TRHDE: variants seen among roughly 807,000 people sequenced by gnomAD.
TRHDE encodes the protein thyrotropin-releasing hormone-degrading ectoenzyme.
TRHDE carries 72 observed loss-of-function variants against 125.7 expected under a neutral mutation model. The ratio of observed to expected loss-of-function variants is 0.57; its 90% CI spans 0.47 to 0.70. The LOEUF (loss-of-function observed/expected upper bound fraction) is 0.70, where lower values mean the gene tolerates loss of function less well. TRHDE is among the 30% of genes least tolerant of loss of function. The pLI is 0.00. For missense variants in TRHDE, 1,110 were observed against 1,327.1 expected, an observed-to-expected ratio of 0.84 and a Z score of 2.54; for synonymous variants, 509 against 509.1, an observed-to-expected ratio of 1.00 and a Z score of 0.00.
At chr12:72,355,945 T>C (rs1042182579) in intron 2 of TRHDE, among the ~76,000 whole-genome samples, 9 of 151,384 alleles carry the variant, frequency 5.9e-5, no homozygotes, top group African/African-American at 2.2e-4. Flanking sequence ...GCTTATACAG[T>C]GTTGATGGGA....
Position 72,273,081 on chromosome 12 carries a change from C to A in TRHDE, c.438C>A (p.His146Gln). ...CTGGATCGGCCCGGCGCAACCACCA[C>A]GCAGGCGGGGACTCCTGGCAGCCCG... ...SLPGSARRNH[H>Q]AGGDSWQPEA... Residue 146 changes from histidine to glutamine, a missense_variant, in exon 1 of 19, where the codon CAC becomes CAA. By Grantham distance (24) the His-to-Gln change is conservative. Around this residue, in one of 5 missense-constraint regions of TRHDE, gnomAD observed 248 missense variants for 240.8 expected, o/e 1.03. Transcript: ENST00000261180. The surrounding 1 kb of genome is among the most constrained non-coding windows in gnomAD (Gnocchi z 5.3). 6.6e-7 allele frequency: 1 copy of A among 1,525,352 alleles called. No individual in the cohort carries two copies. Among genetic ancestry groups the A allele is most frequent in the Non-Finnish European group, 8.8e-7 (1 of 1,138,754 alleles). 94.5% of individuals were successfully genotyped at this position (1,525,352 alleles called of 1,614,324 possible).
chr12:72,469,925 GA>G lies in TRHDE; in HGVS notation c.1470+15del. 1 of 1,612,958 alleles carries G rather than the reference GA, an allele frequency of 6.2e-7. No individual in the cohort carries two copies. The highest frequency in any genetic ancestry group is 1.7e-4 in the Middle Eastern group (1 of 6,056). On this transcript the variant is annotated intron_variant, in intron 4 of 18. Coordinates refer to ENST00000261180, the MANE Select transcript of TRHDE (RefSeq NM_013381.3). ...GATATGTCACCAGGTATGAGAAAAAGAATCAGGTGTAAGTATAATGTGAAAG... is the reference window on the plus strand; with the variant it reads ...GATATGTCACCAGGTATGAGAAAAAGATCAGGTGTAAGTATAATGTGAAAG...
chr12:72,424,047 A>G (rs1489189334), intron 3 of TRHDE, among the ~76,000 whole-genome samples: 2 of 152,188 alleles, frequency 1.3e-5, no homozygotes. Context: ...AATTTTAAAG[A>G]ATCTGTTCAA....
intron 2 of TRHDE, among the ~76,000 whole-genome samples, chr12:72,236,098 T>A (rs1336653798): frequency 1.3e-5 from 2 of 152,204 alleles, no homozygotes; most frequent in East Asian, 3.8e-4. Flanking sequence ...TCATTTTTAC[T>A]GACCATAACT....
rs1592547867 is a variant in TRHDE at position 72,575,620 on chromosome 12, T to C, written c.2321+78T>C. 3.8e-5 allele frequency: 50 copies of C among 1,299,048 alleles called. No homozygotes were observed. The East Asian group carries it at 1.1e-3, about 29-fold the overall frequency. The allele number at this position is 1,299,048 out of a possible 1,614,324, so 80.5% of individuals were successfully genotyped here. ...TGTATTAAACTGCATAATATGTATA[T>C]GTCTTTTATTTAGGACATTTAAAAA... On this transcript the variant is annotated intron_variant, in intron 12 of 18. Transcript: ENST00000261180.
intron 2 of TRHDE, among the ~76,000 whole-genome samples, chr12:72,347,508 T>A (rs1870378356): frequency 6.6e-6 from 1 of 152,110 alleles, no homozygotes; most frequent in Non-Finnish European, 1.5e-5. Context: ...GTTATCTGGC[T>A]CTGTGTTTCT....
intron 2 of TRHDE, among the ~76,000 whole-genome samples, chr12:72,196,354 A>G (rs1378010295): frequency 1.3e-5 from 2 of 152,102 alleles, no homozygotes; most frequent in African/African-American, 4.8e-5. Flanking sequence ...CCAATCCATG[A>G]GCATAGAATG....
chr12:72,192,118 T>C (rs1372354366), intron 2 of TRHDE, among the ~76,000 whole-genome samples: 1 of 143,294 alleles, frequency 7.0e-6, no homozygotes, highest in Admixed American at 6.7e-5. Context: ...ATAAATGACT[T>C]TTGTAAAACT....
intron 2 of TRHDE, among the ~76,000 whole-genome samples, chr12:72,307,128 G>C (rs946102266): frequency 2.0e-5 from 3 of 152,048 alleles, no homozygotes; most frequent in Non-Finnish European, 4.4e-5. Flanking sequence ...GCCTTTGGAA[G>C]GTTTCAAGCA....
intron 6 of TRHDE, among the ~76,000 whole-genome samples, chr12:72,540,392 G>A (rs1565783369): frequency 6.6e-6 from 1 of 151,616 alleles, no homozygotes; most frequent in Non-Finnish European, 1.5e-5. Flanking sequence ...ATTCAGACAG[G>A]AAAATTGGTA....
chr12:72,526,104 A>G (rs1868332068), intron 6 of TRHDE, among the ~76,000 whole-genome samples: 1 of 152,064 alleles, frequency 6.6e-6, no homozygotes, highest in Non-Finnish European at 1.5e-5. Flanking sequence ...ATTTTATCTT[A>G]TCTATGGATT....
At chr12:72,475,272 T>C (rs1448921411) in intron 5 of TRHDE, among the ~76,000 whole-genome samples, 3 of 152,184 alleles carry the variant, frequency 2.0e-5, no homozygotes, top group Non-Finnish European at 2.9e-5. Context: ...ATTTAATTTT[T>C]ATTATACTGT....
intron 1 of TRHDE, among the ~76,000 whole-genome samples, chr12:72,279,951 G>T (rs1879634116): frequency 1.3e-5 from 2 of 152,180 alleles, no homozygotes; most frequent in South Asian, 4.1e-4. Context: ...AAAGAAAGTA[G>T]TTCAAAAACT....
At chr12:72,465,361 A>G (rs750084921) in intron 3 of TRHDE, among the ~76,000 whole-genome samples, 3 of 152,102 alleles carry the variant, frequency 2.0e-5, no homozygotes, top group Non-Finnish European at 4.4e-5. Flanking sequence ...TCCCATCGCT[A>G]TCTTCTAACT....
intron 1 of TRHDE, among the ~76,000 whole-genome samples, chr12:72,276,335 C>G (rs529287665): frequency 1.2e-3 from 188 of 152,212 alleles, no homozygotes; most frequent in African/African-American, 4.5e-3. Flanking sequence ...AGGGTAATGT[C>G]TGTAATAAAA....
chr12:72,323,992 TGA>T (rs1869222228), intron 2 of TRHDE, among the ~76,000 whole-genome samples: 1 of 152,102 alleles, frequency 6.6e-6, no homozygotes, highest in Non-Finnish European at 1.5e-5. Flanking sequence ...TTATGCTTTC[TGA>T]GACCAAAATT....
chr12:72,389,664 G>A (rs1872553621), intron 3 of TRHDE, among the ~76,000 whole-genome samples: 1 of 152,082 alleles, frequency 6.6e-6, no homozygotes. Context: ...CCATCATGGG[G>A]GCCCCACCCT....
chr12:72,088,733 C>T (rs1874723894), intron 1 of TRHDE, among the ~76,000 whole-genome samples: 1 of 152,084 alleles, frequency 6.6e-6, no homozygotes, highest in East Asian at 1.9e-4. Flanking sequence ...TTTCTCCTCT[C>T]CGGGCTTTTA....
chr12:72,346,574 A>C (rs1243228832), intron 2 of TRHDE, among the ~76,000 whole-genome samples: 2 of 152,020 alleles, frequency 1.3e-5, no homozygotes, highest in East Asian at 3.9e-4. Context: ...CTGTTTTCTC[A>C]AGCACAAAGG....
Sources: allele counts gnomAD v4.1 joint callset (sites outside exome capture counted in the v4.1 genomes callset), GRCh38; gene constraint gnomAD v4.1.1; regional missense constraint gnomAD v4.1.1; non-coding constraint Gnocchi (gnomAD v3.1); transcripts MANE v1.5; gene names NCBI Gene and HGNC (gene_info 2026-07-23, HGNC 2026-07-21).